NBEA: variants seen among roughly 807,000 people sequenced by gnomAD.
The protein encoded by NBEA is neurobeachin, also known as lysosomal-trafficking regulator 2.
Under a neutral mutation model 343.4 loss-of-function variants are expected in NBEA, and 44 were observed. That is an observed-to-expected ratio of 0.13 (90% confidence interval 0.10 to 0.16). The LOEUF is 0.16. Ranked by LOEUF, NBEA falls within the 10% of genes least tolerant of loss-of-function variation. The probability of loss-of-function intolerance (pLI) is 1.00; values close to 1 mark genes in which losing one functional copy is unlikely to be tolerated. For synonymous variants in NBEA, 1,175 were observed against 1,238.7 expected, an observed-to-expected ratio of 0.95 and a Z score of 1.08; for missense variants, 2,555 against 3,631.3, an observed-to-expected ratio of 0.70 and a Z score of 7.62.
At chr13:35,083,122 C>T (rs1234171002) in intron 10 of NBEA, among the ~76,000 whole-genome samples, 1 of 152,176 alleles carries the variant, frequency 6.6e-6, no homozygotes, top group East Asian at 1.9e-4. Flanking sequence ...GATCCAGTTT[C>T]AGCTCTGTAC....
intron 11 of NBEA, among the ~76,000 whole-genome samples, chr13:35,105,179 A>AG (rs2065857136): frequency 6.6e-6 from 1 of 151,998 alleles, no homozygotes; most frequent in Non-Finnish European, 1.5e-5. Context: ...AGTGTACTGA[A>AG]GGGGTAAAAT....
chr13:35,164,463 C>T lies in NBEA; in HGVS notation c.4187C>T (p.Ala1396Val), dbSNP rs2069831575. Residue 1396 changes from alanine to valine, a missense_variant, in exon 24 of 59, where the codon GCT (alanine) becomes GTT (valine). Physicochemically the swap from Ala to Val is moderately conservative, Grantham distance 64. Transcript: ENST00000379939. ...CAAATGGTAGACAACATCATCATTG[C>T]TTGTGGAGGAATTTTACCTTTGCTC... ...ISQMVDNIII[A>V]CGGILPLLSA... The T allele has an allele frequency of 6.2e-7, 1 of 1,610,776 alleles. No homozygotes were observed.
In NBEA at chr13:35,555,961, G is replaced by T. The variant is rs142961374; in HGVS notation, c.6922+859G>T. Among the ~76,000 whole-genome samples the T allele has an allele frequency of 1.3e-4, 19 of 151,988 alleles. No individual in the cohort carries two copies. In the East Asian group the frequency reaches 3.7e-3, roughly 29 times the overall value. ...CTTTTTTAATCTATCATACATAAGT[G>T]TGACTAAAGATACTATAGGTATATA... On this transcript the variant is annotated intron_variant, in intron 44 of 58. Transcript: ENST00000379939.
intron 44 of NBEA, among the ~76,000 whole-genome samples, chr13:35,557,857 C>G (rs973647048): frequency 2.0e-5 from 3 of 152,010 alleles, no homozygotes; most frequent in Non-Finnish European, 4.4e-5. Context: ...AGAAGAGCTT[C>G]ACAAATTTCT....
At chr13:35,398,025 G>A (rs1351953662) in intron 38 of NBEA, among the ~76,000 whole-genome samples, 1 of 152,096 alleles carries the variant, frequency 6.6e-6, no homozygotes, top group Non-Finnish European at 1.5e-5. Flanking sequence ...TTTCAAAATT[G>A]GAGTCAGTCC....
At chr13:34,949,962 T>A (rs544167812) in intron 1 of NBEA, among the ~76,000 whole-genome samples, 1 of 152,216 alleles carries the variant, frequency 6.6e-6, no homozygotes, top group Non-Finnish European at 1.5e-5. Flanking sequence ...AGTGAGTGTC[T>A]GAGATGGGTG....
chr13:35,461,211 A>C (rs2046884477), intron 40 of NBEA, among the ~76,000 whole-genome samples: 1 of 152,154 alleles, frequency 6.6e-6, no homozygotes. Flanking sequence ...ATCAACCATA[A>C]ATCATATATA....
chr13:35,116,104 G>A (rs191721169), intron 13 of NBEA, among the ~76,000 whole-genome samples: 147 of 152,298 alleles, frequency 9.7e-4, no homozygotes, highest in Non-Finnish European at 1.7e-3. Context: ...ACCACAATCA[G>A]TTGTTAGATA....
chr13:35,455,699 A>T (rs1298957225), intron 40 of NBEA, among the ~76,000 whole-genome samples: 1 of 152,144 alleles, frequency 6.6e-6, no homozygotes, highest in Non-Finnish European at 1.5e-5. Flanking sequence ...GTTAGTGTTC[A>T]GACAGCTTTG....
chr13:35,206,698 CAA>C (rs568552455), intron 31 of NBEA, among the ~76,000 whole-genome samples: 102 of 152,112 alleles, frequency 6.7e-4, no homozygotes, highest in African/African-American at 2.3e-3. Context: ...TCATAATTGA[CAA>C]AGTCCATTTA....
chr13:35,305,441 G>A (rs376018653), intron 35 of NBEA, among the ~76,000 whole-genome samples: 3 of 151,916 alleles, frequency 2.0e-5, no homozygotes, highest in East Asian at 3.9e-4. Flanking sequence ...AGTTCTTTCC[G>A]TCTTATTGAG....
chr13:35,603,364 A>G (rs1157142579), intron 47 of NBEA, among the ~76,000 whole-genome samples: 1 of 152,196 alleles, frequency 6.6e-6, no homozygotes, highest in Non-Finnish European at 1.5e-5. Context: ...CCCAGATTTT[A>G]TTCATACTAA....
At chr13:35,157,588 A>T (rs1215746133) in intron 21 of NBEA, among the ~76,000 whole-genome samples, 1 of 152,150 alleles carries the variant, frequency 6.6e-6, no homozygotes, top group Non-Finnish European at 1.5e-5. Flanking sequence ...ATTTTATGAA[A>T]TAGTCTCTGA....
chr13:35,035,399 G>C (rs1049171020), intron 1 of NBEA, among the ~76,000 whole-genome samples: 1 of 151,526 alleles, frequency 6.6e-6, no homozygotes, highest in African/African-American at 2.4e-5. Flanking sequence ...CATTTTTTTG[G>C]AATGTCTCAA....
At chr13:35,147,306 T>C (rs2068493401) in intron 18 of NBEA, among the ~76,000 whole-genome samples, 2 of 152,212 alleles carry the variant, frequency 1.3e-5, no homozygotes, top group African/African-American at 4.8e-5. Context: ...ATGGACAAGA[T>C]GTTATGAATA....
intron 1 of NBEA, among the ~76,000 whole-genome samples, chr13:34,972,419 AGGTTGT>A (rs1223225024): frequency 6.6e-6 from 1 of 151,968 alleles, no homozygotes; most frequent in African/African-American, 2.4e-5. Context: ...TTGTGATGTT[AGGTTGT>A]TAACTTGAGA....
At chr13:35,432,898 TAA>T (rs953869450) in intron 39 of NBEA, among the ~76,000 whole-genome samples, 3 of 152,018 alleles carry the variant, frequency 2.0e-5, no homozygotes, top group Non-Finnish European at 4.4e-5. Flanking sequence ...TTGTATATAT[TAA>T]AAAAGTTTTA....
intron 2 of NBEA, among the ~76,000 whole-genome samples, chr13:35,044,014 A>G (rs1420589733): frequency 6.6e-6 from 1 of 152,156 alleles, no homozygotes; most frequent in African/African-American, 2.4e-5. Context: ...AATTTCTTGC[A>G]AAGAACAATG....
At chr13:35,013,134 A>G (rs1034495815) in intron 1 of NBEA, among the ~76,000 whole-genome samples, 3 of 152,230 alleles carry the variant, frequency 2.0e-5, no homozygotes, top group Admixed American at 6.5e-5. Flanking sequence ...TACTTGCTTA[A>G]TAGATATATA....
Sources: gnomAD v4.1 joint callset for allele counts (sites outside exome capture counted in the v4.1 genomes callset) on GRCh38, gnomAD v4.1.1 for gene constraint, MANE v1.5 for transcripts, NCBI Gene and HGNC (gene_info 2026-07-23, HGNC 2026-07-21) for gene names.